The following DDO variants were observed in gnomAD, a reference collection of about 807,000 sequenced individuals.
DDO encodes the protein D-aspartate oxidase, DDO.
A neutral mutation model predicts 16.8 loss-of-function variants in DDO; 16 were observed. The observed-to-expected ratio is 0.95, with a 90% CI of 0.65 to 1.45. DDO has a LOEUF of 1.45. Ranked by LOEUF, DDO falls within the 40% of genes most tolerant of loss-of-function variation. The pLI, the probability that DDO is intolerant of heterozygous loss-of-function variation, is 0.00. For synonymous variants in DDO, 180 were observed against 167.2 expected (o/e 1.08, Z -0.59); for missense variants, 429 against 420.3 (o/e 1.02, Z -0.18).
intron 3 of DDO, among the ~76,000 whole-genome samples, chr6:110,405,683 G>A (rs2114830203): frequency 6.6e-6 from 1 of 152,184 alleles, no homozygotes; most frequent in South Asian, 2.1e-4. Flanking sequence ...AGCACTTTAG[G>A]AGGCCGAGGG....
At chr6:110,404,029 C>A (rs1773567258) in intron 4 of DDO, among the ~76,000 whole-genome samples, 1 of 152,292 alleles carries the variant, frequency 6.6e-6, no homozygotes, top group African/African-American at 2.4e-5. Context: ...TCACATCGTT[C>A]CTATTTACCA....
downstream of DDO, among the ~76,000 whole-genome samples, chr6:110,389,517 C>A (rs566162666): frequency 6.6e-6 from 1 of 152,190 alleles, no homozygotes; most frequent in African/African-American, 2.4e-5. Flanking sequence ...ATCACACTTA[C>A]ATTTGGCAGA....
rs767657019 is a variant in DDO, at chr6:110,392,850, A to G, written c.951T>C (p.Thr317=). Residue 317 remains threonine, a synonymous_variant, in exon 5 of 5, where the codon ACT becomes ACC. Coordinates refer to ENST00000368924, the MANE Select transcript of DDO (RefSeq NM_001372108.2). ...GSGGISVHWG[T]ALEAARLVSE... ...TCACCAGCCTGGCGGCCTCCAGAGC[A>G]GTGCCCCAGTGCACTGAGATGCCCC... is the stretch of plus-strand genomic sequence containing the variant. 1 of 1,613,654 alleles carries G rather than the reference A, an allele frequency of 6.2e-7. No homozygotes were observed. Among genetic ancestry groups the G allele is most frequent in the Non-Finnish European group, 8.5e-7 (1 of 1,179,800 alleles).
intron 2 of DDO, among the ~76,000 whole-genome samples, chr6:110,411,866 C>T (rs983504011): frequency 1.3e-5 from 2 of 151,524 alleles, no homozygotes; most frequent in African/African-American, 4.8e-5. Context: ...ATTACTGCAG[C>T]GTGATTTTGG....
chr6:110,388,682 C>T (rs1773054218), downstream of DDO: 5 of 442,762 alleles, frequency 1.1e-5, no homozygotes, highest in South Asian at 2.8e-4. Flanking sequence ...AAGAAGCACA[C>T]GCTGGCAATG....
chr6:110,407,524 G>A (rs1407873403), intron 3 of DDO, among the ~76,000 whole-genome samples: 1 of 152,136 alleles, frequency 6.6e-6, no homozygotes, highest in African/African-American at 2.4e-5. Context: ...ATCAAAAGAG[G>A]AGATAAGACA....
At chr6:110,398,383 T>TACACACAC (rs372325600) in intron 4 of DDO, among the ~76,000 whole-genome samples, 4 of 110,214 alleles carry the variant, frequency 3.6e-5, no homozygotes, top group Non-Finnish European at 5.3e-5. Flanking sequence ...CTTAAATGCG[T>TACACACAC]ACACACACAC....
chr6:110,388,332 C>T (rs1201138913), downstream of DDO, among the ~76,000 whole-genome samples: 1 of 152,164 alleles, frequency 6.6e-6, no homozygotes, highest in Non-Finnish European at 1.5e-5. Flanking sequence ...AAAAAAAATG[C>T]TACATTTATT....
intron 4 of DDO, among the ~76,000 whole-genome samples, chr6:110,402,868 G>A (rs1339639832): frequency 6.6e-6 from 1 of 152,104 alleles, no homozygotes; most frequent in Non-Finnish European, 1.5e-5. Flanking sequence ...CTCTGAGGGA[G>A]AACAACACTC....
At chr6:110,411,669 TA>T (rs1562266374) in intron 2 of DDO, among the ~76,000 whole-genome samples, 1 of 152,006 alleles carries the variant, frequency 6.6e-6, no homozygotes, top group Non-Finnish European at 1.5e-5. Context: ...GGGACAAAGC[TA>T]AAAGAATTGG....
At chr6:110,406,190 T>C (rs534310578) in intron 3 of DDO, among the ~76,000 whole-genome samples, 93 of 152,028 alleles carry the variant, frequency 6.1e-4, no homozygotes, top group African/African-American at 2.2e-3. Flanking sequence ...TCCAGTCCAT[T>C]CTCTCTCTTG....
At chr6:110,393,481 T>C (rs1259961069) in intron 4 of DDO, 139 bp from the exon 5 acceptor site, 12 of 1,232,904 alleles carry the variant, frequency 9.7e-6, no homozygotes, top group Non-Finnish European at 1.2e-5. Flanking sequence ...CAGGGCCCAG[T>C]CAGGCCAAAT....
intron 4 of DDO, among the ~76,000 whole-genome samples, chr6:110,395,303 A>G (rs1773254844): frequency 6.6e-6 from 1 of 152,010 alleles, no homozygotes; most frequent in African/African-American, 2.4e-5. Flanking sequence ...CAACTGGGAC[A>G]TTGGCTTTTT....
rs1773932217 is a variant in DDO at position 110,413,437 on chromosome 6, A to G, written c.26T>C (p.Val9Ala). The change falls in exon 2 of 5, where the codon GTC becomes GCC. Residue 9 changes from valine (V) to alanine (A), a missense_variant. By Grantham distance (64) the Val-to-Ala change is moderately conservative (BLOSUM62 0). Transcript: ENST00000368924. ...GGAGAGCCCCACCACACCTGCCCCGACAACTGCAATCCGTGCTGTGTCCAT... is the reference window on the plus strand; with the variant it reads ...GGAGAGCCCCACCACACCTGCCCCGGCAACTGCAATCCGTGCTGTGTCCAT... MDTARIAV[V>A]GAGVVGLSTA... 6.2e-7 allele frequency: 1 copy of G among 1,613,642 alleles called. No individual in the cohort carries two copies. Among genetic ancestry groups the G allele is most frequent in the Admixed American group, 1.7e-5 (1 of 60,002 alleles).
intron 3 of DDO, among the ~76,000 whole-genome samples, chr6:110,405,972 C>T (rs956041626): frequency 5.3e-5 from 8 of 152,178 alleles, no homozygotes; most frequent in Admixed American, 4.6e-4. Flanking sequence ...AGCATAGTTG[C>T]TAATAATTCC....
chr6:110,393,680 T>A (rs1773193061), intron 4 of DDO, among the ~76,000 whole-genome samples: 1 of 152,250 alleles, frequency 6.6e-6, no homozygotes, highest in Admixed American at 6.5e-5. Flanking sequence ...TGTCCAAGCA[T>A]TTCTTATTTA....
At position 110,392,748 on chromosome 6, in the gene DDO, A is replaced by G. The variant is rs144819683; in HGVS notation, c.*27T>C. 270 of 1,511,194 alleles carry G rather than the reference A, an allele frequency of 1.8e-4. 1 individual carries two copies. The African/African-American group carries it at 3.1e-3, about 17-fold the overall frequency. 93.6% of individuals were successfully genotyped at this position (1,511,194 alleles called of 1,614,324 possible). A position where few individuals can be genotyped will look rare whatever the true frequency, so the allele number is the denominator to read the frequency against. On this transcript the variant is annotated 3_prime_UTR_variant, in exon 5 of 5. Transcript: ENST00000368924. ...TCTGTGCTTTGATCAACAGTCTCTC[A>G]GTCTCTTTGCTGTCATTTTATGTCA... is the stretch of plus-strand genomic sequence containing the variant.
At chr6:110,390,793 A>C (rs143024000), downstream of DDO, among the ~76,000 whole-genome samples, 4 of 152,226 alleles carry the variant, frequency 2.6e-5, no homozygotes, top group African/African-American at 9.6e-5. Flanking sequence ...CTGTTTTATC[A>C]TAACCTTTTA....
rs1773143802 is a variant in DDO, at chr6:110,392,826, C to T, written c.975G>A (p.Val325=). The change falls in exon 5 of 5, where the codon GTG becomes GTA. Residue 325 remains valine, a synonymous_variant. Coordinates refer to ENST00000368924, the MANE Select transcript of DDO (RefSeq NM_001372108.2). ...WGTALEAARL[V]SECVHALRTP... is the part of the protein sequence containing the mutation. ...TCCTGAGGGCATGGACACACTCGCT[C>T]ACCAGCCTGGCGGCCTCCAGAGCAG... 1 of 1,608,456 alleles carries T rather than the reference C, an allele frequency of 6.2e-7. No homozygotes were observed. Among genetic ancestry groups the T allele is most frequent in the African/African-American group, 1.3e-5 (1 of 74,808 alleles).
Sources: gnomAD v4.1 joint callset for allele counts (sites outside exome capture counted in the v4.1 genomes callset) on GRCh38, gnomAD v4.1.1 for gene constraint, MANE v1.5 for transcripts, NCBI Gene and HGNC (gene_info 2026-07-23, HGNC 2026-07-21) for gene names.